Variants in SEMA6B observed in about 807,000 individuals in gnomAD.
SEMA6B encodes the protein semaphorin 6B.
In SEMA6B, 47 loss-of-function variants were observed where a neutral mutation model predicts 78.6. The ratio of observed to expected loss-of-function variants is 0.60; its 90% confidence interval spans 0.47 to 0.76. The LOEUF (loss-of-function observed/expected upper bound fraction) is 0.76. Ranked by LOEUF, SEMA6B falls within the 30% of genes least tolerant of loss-of-function variation. The pLI is 0.00. For missense variants in SEMA6B, 1,213 were observed against 1,269.9 expected, an observed-to-expected ratio of 0.96 and a Z score of 0.68; for synonymous variants, 632 against 592.2, an observed-to-expected ratio of 1.07 and a Z score of -0.98.
intron 8 of SEMA6B, 85 bp downstream of exon 8, chr19:4,554,891 G>A (rs889657040): frequency 1.3e-6 from 2 of 1,487,014 alleles, no homozygotes; most frequent in African/African-American, 1.4e-5. Context: ...AGCTCCTCTG[G>A]GACTCTTATT....
chr19:4,554,734 A>T (rs745691188), intron 8 of SEMA6B, among the ~76,000 whole-genome samples: 1 of 152,194 alleles, frequency 6.6e-6, no homozygotes, highest in Non-Finnish European at 1.5e-5. Context: ...GAGTCCTGCT[A>T]TATCTTTTCT....
rs868146559 is a variant in SEMA6B, at chr19:4,550,813, C to G, written c.1107G>C (p.Gln369His). 1.9e-6 allele frequency: 3 copies of G among 1,613,328 alleles called. No homozygotes were observed. Among genetic ancestry groups the G allele is most frequent in the Non-Finnish European group, 1.7e-6 (2 of 1,180,008 alleles). Residue 369 changes from glutamine (Q) to histidine (H), a missense_variant, in exon 11 of 17, where the codon CAG (glutamine) becomes CAC (histidine). Physicochemically the swap from Gln to His is conservative, Grantham distance 24. Transcript: ENST00000586582. The surrounding 1 kb of genome is among the most constrained non-coding windows in gnomAD (Gnocchi z 6.6). ...GGGGTTCTCACCGGGGTCGAGGCAC[C>G]TGATCCTCCGGCACCGGCGTCCAGA... ...ESIWTPVPED[Q>H]VPRPRPGCCA...
In SEMA6B at chr19:4,552,617, C is replaced by T. The variant is rs760069536; in HGVS notation, c.794G>A (p.Arg265Gln). Residue 265 changes from arginine (R) to glutamine (Q), a missense_variant, in exon 10 of 17, where the codon CGA (arginine) becomes CAA (glutamine). By Grantham distance (43) the Arg-to-Gln change is conservative (BLOSUM62 1). Transcript: ENST00000586582. This position sits in a 1 kb window ranked among gnomAD's most constrained non-coding sequence, Gnocchi z 7.4. ...GCCTCCCACGTCGTTCTTGCACACT[C>T]GGGCCACGCGGGACACCACCACCTG... ...LEKVVVSRVA[R>Q]VCKNDVGGSP... The T allele has an allele frequency of 6.8e-6, 11 of 1,608,948 alleles. No homozygotes were observed. Among genetic ancestry groups the T allele is most frequent in the South Asian group, 1.1e-5 (1 of 90,654 alleles).
rs1225694332 is a variant in SEMA6B, at chr19:4,555,615, G to A, written c.472-51C>T. 14 of 1,478,038 alleles carry A rather than the reference G, an allele frequency of 9.5e-6. No individual in the cohort carries two copies. The highest frequency in any genetic ancestry group is 1.3e-5 in the Non-Finnish European group (14 of 1,068,392). The allele number at this position is 1,478,038 out of a possible 1,614,324, so 91.6% of individuals were successfully genotyped here. A position where few individuals can be genotyped will look rare whatever the true frequency, so the allele number is the denominator to read the frequency against. ...ACAGATCTCCTGACCCCACCTAGCA[G>A]CCCCTGGCTCCCTCAGCCCCCCACT... On this transcript the variant is annotated intron_variant, in intron 6 of 16. Transcript: ENST00000586582. The surrounding 1 kb of genome is among the most constrained non-coding windows in gnomAD (Gnocchi z 6.1).
Position 4,545,629 on chromosome 19 carries a change from C to T in SEMA6B, c.1738+587G>A, listed in dbSNP as rs540193365. Among the ~76,000 whole-genome samples the T allele has an allele frequency of 7.2e-5, 11 of 152,294 alleles. No individual in the cohort carries two copies. In the South Asian group the frequency reaches 1.2e-3, roughly 17 times the overall value. ...TGCTGGGATTATAGGCAGGAGCTGC[C>T]GCGCCTGGCCCCTTCTGTCCTGTTG... On this transcript the variant is annotated intron_variant, in intron 16 of 16. Coordinates refer to ENST00000586582, the MANE Select transcript of SEMA6B (RefSeq NM_032108.4).
intron 3 of SEMA6B, among the ~76,000 whole-genome samples, chr19:4,557,740 C>T (rs73920846): frequency 6.6e-6 from 1 of 152,180 alleles, no homozygotes; most frequent in Non-Finnish European, 1.5e-5. Flanking sequence ...CCAGCCTGGA[C>T]AGCCCAGTCC....
Position 4,550,523 on chromosome 19 carries a change from C to T in SEMA6B, c.1122-251G>A, listed in dbSNP as rs551927009. Among the ~76,000 whole-genome samples, 4 of 152,190 alleles carry T rather than the reference C, an allele frequency of 2.6e-5. No homozygotes were observed. In the East Asian group the frequency reaches 7.7e-4, roughly 29 times the overall value. On this transcript the variant is annotated intron_variant, in intron 11 of 16. Coordinates refer to ENST00000586582, the MANE Select transcript of SEMA6B (RefSeq NM_032108.4). This position sits in a 1 kb window ranked among gnomAD's most constrained non-coding sequence, Gnocchi z 6.6. Reference sequence around the variant, plus strand: ...GGATTACAGGCACGTGCCATCACGCCCGGCTAATTTTTGTATTTTTAGTAG... The same window carrying T: ...GGATTACAGGCACGTGCCATCACGCTCGGCTAATTTTTGTATTTTTAGTAG...
chr19:4,550,494 G>A lies in SEMA6B; in HGVS notation c.1122-222C>T, dbSNP rs560922790. Among the ~76,000 whole-genome samples the A allele has an allele frequency of 6.6e-6, 1 of 152,246 alleles. No individual in the cohort carries two copies. Among genetic ancestry groups the A allele is most frequent in the Non-Finnish European group, 1.5e-5 (1 of 68,012 alleles). On this transcript the variant is annotated intron_variant, in intron 11 of 16. Coordinates refer to ENST00000586582, the MANE Select transcript of SEMA6B (RefSeq NM_032108.4). The surrounding 1 kb of genome is among the most constrained non-coding windows in gnomAD (Gnocchi z 6.6). ...TTCTCCTGCTTCAGCCACCCGAGTG[G>A]CTGGGATTACAGGCACGTGCCATCA...
In SEMA6B at chr19:4,543,225, T is replaced by G; in HGVS notation, c.*376A>C. On this transcript the variant is annotated 3_prime_UTR_variant, in exon 17 of 17. Coordinates refer to ENST00000586582, the MANE Select transcript of SEMA6B (RefSeq NM_032108.4). Reference sequence around the variant, plus strand: ...TTAGGTCTGCAGCTGTGGCCCCCCATTCCCCACCGGCGTCCAAGCCTCCCC... The same window carrying G: ...TTAGGTCTGCAGCTGTGGCCCCCCAGTCCCCACCGGCGTCCAAGCCTCCCC... The G allele has an allele frequency of 6.5e-5, 35 of 539,104 alleles. No homozygotes were observed. Among genetic ancestry groups the G allele is most frequent in the Non-Finnish European group, 9.9e-5 (30 of 303,372 alleles). 33.4% of individuals were successfully genotyped at this position (539,104 alleles called of 1,614,324 possible).
In SEMA6B at chr19:4,542,963, C is replaced by G. The variant is rs1977057140; in HGVS notation, c.*638G>C. 1.4e-6 allele frequency: 1 copy of G among 700,206 alleles called. No homozygotes were observed. Among genetic ancestry groups the G allele is most frequent in the Admixed American group, 2.0e-5 (1 of 49,968 alleles). The allele number at this position is 700,206 out of a possible 1,614,324, so 43.4% of individuals were successfully genotyped here. A position where few individuals can be genotyped will look rare whatever the true frequency, so the allele number is the denominator to read the frequency against. ...AGACCCCCGGGCCTTCTGGAAGCCC[C>G]AGCGTCGGCTCAGCCAACGCCCAGG... On this transcript the variant is annotated 3_prime_UTR_variant, in exon 17 of 17. Transcript: ENST00000586582.
In SEMA6B at chr19:4,552,318, G is replaced by T; in HGVS notation, c.989+104C>A. 8.6e-7 allele frequency: 1 copy of T among 1,159,100 alleles called. No homozygotes were observed. The highest frequency in any genetic ancestry group is 1.2e-6 in the Non-Finnish European group (1 of 822,340). The allele number at this position is 1,159,100 out of a possible 1,614,324, so 71.8% of individuals were successfully genotyped here. ...AGGCCTCTCAGAGGTCTAATCCAGTGGTGCCCAACCTAGCACCCAGGGCAT... is the reference window on the plus strand; with the variant it reads ...AGGCCTCTCAGAGGTCTAATCCAGTTGTGCCCAACCTAGCACCCAGGGCAT... On this transcript the variant is annotated intron_variant, in intron 10 of 16. Coordinates refer to ENST00000586582, the MANE Select transcript of SEMA6B (RefSeq NM_032108.4). This position sits in a 1 kb window ranked among gnomAD's most constrained non-coding sequence, Gnocchi z 7.4.
chr19:4,548,509 A>G, intron 12 of SEMA6B, 64 bp from the exon 13 acceptor site: 1 of 1,488,208 alleles, frequency 6.7e-7, no homozygotes, highest in East Asian at 2.3e-5. Flanking sequence ...CAACACGGGC[A>G]TGGCCATAGT....
rs1173338722 is a variant in SEMA6B at position 4,542,843 on chromosome 19, C to T, written c.*758G>A. The T allele has an allele frequency of 1.4e-6, 1 of 702,014 alleles. No homozygotes were observed. The highest frequency in any genetic ancestry group is 2.7e-5 in the East Asian group (1 of 37,254). 43.5% of individuals were successfully genotyped at this position (702,014 alleles called of 1,614,324 possible). ...AGCTGCTGCCGATGTGACTTCCGGG[C>T]AGGCCCTCCTCGTGTCTCCTGCCTG... On this transcript the variant is annotated 3_prime_UTR_variant, in exon 17 of 17. Coordinates refer to ENST00000586582, the MANE Select transcript of SEMA6B (RefSeq NM_032108.4).
rs753938979 is a variant in SEMA6B at position 4,550,152 on chromosome 19, A to G, written c.1242T>C (p.His414=). Residue 414 remains histidine (H), a synonymous_variant, in exon 12 of 17, where the codon CAT becomes CAC. Transcript: ENST00000586582. The surrounding 1 kb of genome is among the most constrained non-coding windows in gnomAD (Gnocchi z 6.6). ...LMDEAVPSLG[H]APWILRTLMR... Reference sequence around the variant, plus strand: ...TCAGGGTCCGCAGGATCCAGGGCGCATGGCCCAGCGAGGGCACCGCCTCGT... The same window carrying G: ...TCAGGGTCCGCAGGATCCAGGGCGCGTGGCCCAGCGAGGGCACCGCCTCGT... The G allele has an allele frequency of 3.7e-6, 6 of 1,613,398 alleles. No homozygotes were observed. Among genetic ancestry groups the G allele is most frequent in the Admixed American group, 3.3e-5 (2 of 60,004 alleles).
At chr19:4,549,212 GTGTC>G (rs1977251863) in intron 12 of SEMA6B, among the ~76,000 whole-genome samples, 2 of 151,160 alleles carry the variant, frequency 1.3e-5, no homozygotes, top group East Asian at 1.9e-4. Context: ...GTCTCTCTGG[GTGTC>G]TGTCTGTCTC....
rs1053870829 is a variant in SEMA6B at position 4,544,069 on chromosome 19, G to T, written c.2199C>A (p.Arg733=). Residue 733 remains arginine (R), a synonymous_variant, in exon 17 of 17, where the codon CGC becomes CGA. Coordinates refer to ENST00000586582, the MANE Select transcript of SEMA6B (RefSeq NM_032108.4). This position sits in a 1 kb window ranked among gnomAD's most constrained non-coding sequence, Gnocchi z 5.1. ...PHPHPHALGP[R]AWDHGHPLLP... is the part of the protein sequence containing the mutation. Reference sequence around the variant, plus strand: ...GCAGGGGGTGGCCGTGGTCCCAGGCGCGGGGGCCCAGGGCGTGGGGGTGCG... The same window carrying T: ...GCAGGGGGTGGCCGTGGTCCCAGGCTCGGGGGCCCAGGGCGTGGGGGTGCG... 32 of 1,233,992 alleles carry T rather than the reference G, an allele frequency of 2.6e-5. No homozygotes were observed. The highest frequency in any genetic ancestry group is 4.3e-5 in the Admixed American group (1 of 23,122). 76.4% of individuals were successfully genotyped at this position (1,233,992 alleles called of 1,614,324 possible).
rs1977292546 is a variant in SEMA6B, at chr19:4,550,344, C to T, written c.1122-72G>A. 2.0e-6 allele frequency: 3 copies of T among 1,526,540 alleles called. No homozygotes were observed. The highest frequency in any genetic ancestry group is 3.6e-5 in the Admixed American group (2 of 55,746). 94.6% of individuals were successfully genotyped at this position (1,526,540 alleles called of 1,614,324 possible). A position where few individuals can be genotyped will look rare whatever the true frequency, so the allele number is the denominator to read the frequency against. The stretch of plus-strand genomic sequence containing the variant: ...AAAGGGGCCTGATTCACCAGAGGTA[C>T]CCATTGCTTTGCCCAACGACCCTCA... On this transcript the variant is annotated intron_variant, in intron 11 of 16. Coordinates refer to ENST00000586582, the MANE Select transcript of SEMA6B (RefSeq NM_032108.4). The surrounding 1 kb of genome is among the most constrained non-coding windows in gnomAD (Gnocchi z 6.6).
In SEMA6B at chr19:4,552,061, A is replaced by C. The variant is rs1053088547; in HGVS notation, c.989+361T>G. 1.2e-4 allele frequency among the ~76,000 whole-genome samples: 18 copies of C among 152,100 alleles called. No homozygotes were observed. On this transcript the variant is annotated intron_variant, in intron 10 of 16. Coordinates refer to ENST00000586582, the MANE Select transcript of SEMA6B (RefSeq NM_032108.4). This position sits in a 1 kb window ranked among gnomAD's most constrained non-coding sequence, Gnocchi z 7.4. ...CAGACTCTCTCACGATTACTTAAGT[A>C]TACTGAACTCACTGAAGCCTCAGGA...
chr19:4,549,827 G>A (rs1977274162), intron 12 of SEMA6B, among the ~76,000 whole-genome samples: 1 of 151,722 alleles, frequency 6.6e-6, no homozygotes, highest in African/African-American at 2.4e-5. Flanking sequence ...TGGCCAGGGT[G>A]GTCTCGAATT....
Sources: allele counts gnomAD v4.1 joint callset (sites outside exome capture counted in the v4.1 genomes callset), GRCh38; gene constraint gnomAD v4.1.1; non-coding constraint Gnocchi (gnomAD v3.1); transcripts MANE v1.5; gene names NCBI Gene and HGNC (gene_info 2026-07-23, HGNC 2026-07-21).